SPOCK1: variants seen among roughly 807,000 people sequenced by gnomAD.
SPOCK1 encodes SPARC (osteonectin), cwcv and kazal like domains proteoglycan 1, also known as testican-1.
SPOCK1 carries 23 observed loss-of-function variants against 55.3 expected under a neutral mutation model. The observed-to-expected ratio is 0.42, with a 90% confidence interval of 0.30 to 0.59. SPOCK1 has a LOEUF of 0.59. Among genes scored for constraint, SPOCK1 ranks in the 20% least tolerant of loss-of-function variants. SPOCK1 has a pLI of 0.22. For synonymous variants in SPOCK1, 226 were observed against 221.0 expected (o/e 1.02, Z -0.20); for missense variants, 499 against 552.5 (o/e 0.90, Z 0.97).
intron 3 of SPOCK1, among the ~76,000 whole-genome samples, chr5:137,234,458 T>C (rs924356316): frequency 6.6e-6 from 1 of 152,206 alleles, no homozygotes; most frequent in African/African-American, 2.4e-5. Context: ...ACCACTTTCA[T>C]CATTCTCTTT....
At chr5:137,017,346 T>C (rs1030229037) in intron 6 of SPOCK1, among the ~76,000 whole-genome samples, 5 of 152,232 alleles carry the variant, frequency 3.3e-5, no homozygotes, top group Admixed American at 6.5e-5. Context: ...GCTGGTGTTC[T>C]TGCTTCTTTT....
At chr5:137,105,141 G>A (rs1279970021) in intron 5 of SPOCK1, among the ~76,000 whole-genome samples, 1 of 152,192 alleles carries the variant, frequency 6.6e-6, no homozygotes, top group Non-Finnish European at 1.5e-5. Flanking sequence ...CCAGTGACTT[G>A]CCTAATTGCT....
chr5:137,230,569 A>T (rs1247869329), intron 3 of SPOCK1, among the ~76,000 whole-genome samples: 1 of 152,268 alleles, frequency 6.6e-6, no homozygotes, highest in Admixed American at 6.5e-5. Flanking sequence ...GATATGTATT[A>T]AATTATTTCC....
intron 2 of SPOCK1, among the ~76,000 whole-genome samples, chr5:137,322,504 G>A (rs1757998269): frequency 6.6e-6 from 1 of 152,106 alleles, no homozygotes; most frequent in South Asian, 2.1e-4. Context: ...GTATGTTAAT[G>A]GATACACAAT....
At chr5:137,021,050 A>C (rs1472406454) in intron 6 of SPOCK1, among the ~76,000 whole-genome samples, 1 of 152,132 alleles carries the variant, frequency 6.6e-6, no homozygotes, top group African/African-American at 2.4e-5. Flanking sequence ...ATTCCTAGGT[A>C]TATGCCCTGC....
intron 7 of SPOCK1, among the ~76,000 whole-genome samples, chr5:136,991,451 A>T (rs1750946234): frequency 6.6e-6 from 1 of 152,182 alleles, no homozygotes; most frequent in Admixed American, 6.5e-5. Flanking sequence ...AATTAAGAAG[A>T]TCATTTTTGT....
intron 6 of SPOCK1, among the ~76,000 whole-genome samples, chr5:137,035,186 C>T (rs73790642): frequency 2.6e-3 from 390 of 152,294 alleles, no homozygotes; most frequent in African/African-American, 8.3e-3. Flanking sequence ...CTTCTTTTTT[C>T]TCTCCCTCTG....
intron 3 of SPOCK1, among the ~76,000 whole-genome samples, chr5:137,201,094 T>C (rs1302265725): frequency 6.6e-6 from 1 of 152,198 alleles, no homozygotes; most frequent in Non-Finnish European, 1.5e-5. Flanking sequence ...AACTGTCCTG[T>C]TGAGTTGTCC....
chr5:137,491,814 G>A (rs542166224), intron 2 of SPOCK1, among the ~76,000 whole-genome samples: 7 of 152,156 alleles, frequency 4.6e-5, no homozygotes, highest in Non-Finnish European at 1.0e-4. Flanking sequence ...TGCTGTGTGT[G>A]AGGCATGACA....
chr5:137,431,668 A>G (rs1752748250), intron 2 of SPOCK1, among the ~76,000 whole-genome samples: 1 of 152,146 alleles, frequency 6.6e-6, no homozygotes, highest in African/African-American at 2.4e-5. Flanking sequence ...TTCTCAAGGA[A>G]AATGTACTAG....
intron 2 of SPOCK1, among the ~76,000 whole-genome samples, chr5:137,297,355 AAAT>A (rs1198821363): frequency 1.3e-5 from 2 of 152,238 alleles, no homozygotes; most frequent in Admixed American, 6.5e-5. Context: ...AAAGAATCTG[AAAT>A]AATGAGAATA....
intron 6 of SPOCK1, among the ~76,000 whole-genome samples, chr5:137,015,079 G>A (rs1199995027): frequency 6.6e-6 from 1 of 152,166 alleles, no homozygotes. Context: ...GGCTTAAGTA[G>A]CTGTGGAGAA....
chr5:137,357,610 T>G (rs1750846068), intron 2 of SPOCK1, among the ~76,000 whole-genome samples: 1 of 152,138 alleles, frequency 6.6e-6, no homozygotes, highest in Non-Finnish European at 1.5e-5. Flanking sequence ...TACACCCACA[T>G]GCACATATGG....
At chr5:137,306,730 C>A (rs1757707135) in intron 2 of SPOCK1, among the ~76,000 whole-genome samples, 1 of 151,660 alleles carries the variant, frequency 6.6e-6, no homozygotes, top group South Asian at 2.1e-4. Flanking sequence ...CAGACCCGAC[C>A]ATGTTTGTAA....
intron 3 of SPOCK1, among the ~76,000 whole-genome samples, chr5:137,240,176 G>A (rs962288378): frequency 1.3e-5 from 2 of 152,130 alleles, no homozygotes; most frequent in Admixed American, 1.3e-4. Context: ...CAAATCAGAA[G>A]ACATACCATG....
Position 137,026,310 on chromosome 5 carries a change from G to A in SPOCK1, c.590-33710C>T, listed in dbSNP as rs189251175. ...TGGTAAGTCAAACATTATTCTAGAT[G>A]TTTCTCTGAAGGTATTTTTGTAGAT... On this transcript the variant is annotated intron_variant, in intron 6 of 10. Coordinates refer to ENST00000394945, the MANE Select transcript of SPOCK1 (RefSeq NM_004598.4). Among the ~76,000 whole-genome samples the A allele has an allele frequency of 3.6e-3, 551 of 152,332 alleles. 14 individuals are homozygous for A. The highest frequency in any genetic ancestry group is 0.033 in the Admixed American group (512 of 15,300).
chr5:137,448,184 G>A (rs1018757030), intron 2 of SPOCK1, among the ~76,000 whole-genome samples: 5 of 152,192 alleles, frequency 3.3e-5, no homozygotes, highest in Non-Finnish European at 7.3e-5. Context: ...AGAGGCAGAG[G>A]TTGCAGTGAG....
chr5:137,427,292 C>G (rs115146694), intron 2 of SPOCK1, among the ~76,000 whole-genome samples: 2 of 152,158 alleles, frequency 1.3e-5, no homozygotes, highest in African/African-American at 4.8e-5. Context: ...TGGAGAGAAG[C>G]CTTTCTCCAC....
chr5:137,064,087 G>A (rs1476611273), intron 6 of SPOCK1, among the ~76,000 whole-genome samples: 1 of 152,118 alleles, frequency 6.6e-6, no homozygotes, highest in Non-Finnish European at 1.5e-5. Context: ...GTGAGTACAG[G>A]TCTCTCGGTA....
Sources: allele counts gnomAD v4.1 joint callset (sites outside exome capture counted in the v4.1 genomes callset), GRCh38; gene constraint gnomAD v4.1.1; transcripts MANE v1.5; gene names NCBI Gene and HGNC (gene_info 2026-07-23, HGNC 2026-07-21).